The following FAM169A variants were observed in gnomAD, a reference collection of about 807,000 sequenced individuals.
The protein encoded by FAM169A is family with sequence similarity 169 member A, also known as soluble lamin-associated protein of 75 kDa.
In FAM169A, 24 loss-of-function variants were observed where a neutral mutation model predicts 75.7. The observed-to-expected ratio is 0.32, with a 90% CI of 0.23 to 0.45. The LOEUF (loss-of-function observed/expected upper bound fraction) is 0.45, where lower values mean the gene tolerates loss of function less well. Ranked by LOEUF, FAM169A falls within the 20% of genes least tolerant of loss-of-function variation. The pLI is 1.00. For missense variants in FAM169A, 673 were observed against 784.0 expected, an observed-to-expected ratio of 0.86 and a Z score of 1.69; for synonymous variants, 271 against 271.0, an observed-to-expected ratio of 1.00 and a Z score of 0.00.
At chr5:74,853,362 G>A (rs926067432) in intron 1 of FAM169A, among the ~76,000 whole-genome samples, 2 of 152,044 alleles carry the variant, frequency 1.3e-5, no homozygotes. Flanking sequence ...CTCATTCCTC[G>A]AAATGATCCT....
At chr5:74,817,680 A>G (rs1236648792) in intron 5 of FAM169A, among the ~76,000 whole-genome samples, 1 of 152,170 alleles carries the variant, frequency 6.6e-6, no homozygotes, top group African/African-American at 2.4e-5. Context: ...AACACACAGG[A>G]AAATAAGGAG....
At chr5:74,813,333 A>AT (rs879904629) in intron 6 of FAM169A, among the ~76,000 whole-genome samples, 73 of 144,958 alleles carry the variant, frequency 5.0e-4, no homozygotes, top group East Asian at 1.0e-3. Context: ...TTGGTTTGGG[A>AT]TTTTTTTTTT....
chr5:74,835,781 C>T (rs912851440), intron 4 of FAM169A, among the ~76,000 whole-genome samples: 1 of 152,044 alleles, frequency 6.6e-6, no homozygotes, highest in Non-Finnish European at 1.5e-5. Context: ...AAATAGCAGC[C>T]GACTAGCAAT....
intron 5 of FAM169A, among the ~76,000 whole-genome samples, chr5:74,828,558 T>G (rs1418141770): frequency 6.6e-6 from 1 of 152,206 alleles, no homozygotes; most frequent in Non-Finnish European, 1.5e-5. Context: ...ACTGTCCAGC[T>G]GTGCTGCATT....
chr5:74,810,105 T>A (rs1354535702), intron 6 of FAM169A, among the ~76,000 whole-genome samples: 1 of 152,106 alleles, frequency 6.6e-6, no homozygotes, highest in African/African-American at 2.4e-5. Context: ...AATTGTGGTA[T>A]AATCAAAGGG....
intron 9 of FAM169A, 46 bp downstream of exon 9, chr5:74,801,544 T>G (rs771907587): frequency 4.1e-6 from 6 of 1,453,586 alleles, no homozygotes; most frequent in African/African-American, 2.8e-5. Flanking sequence ...CAGCCCTAAT[T>G]TGAAGTGTCT....
intron 11 of FAM169A, among the ~76,000 whole-genome samples, chr5:74,784,229 G>A (rs1338309835): frequency 1.3e-5 from 2 of 151,936 alleles, no homozygotes; most frequent in Non-Finnish European, 2.9e-5. Context: ...TTTTTCTAGA[G>A]TGTCCACAAT....
chr5:74,806,818 A>G (rs922828613), intron 6 of FAM169A, among the ~76,000 whole-genome samples: 3 of 152,212 alleles, frequency 2.0e-5, no homozygotes, highest in African/African-American at 7.2e-5. Context: ...TTCAAAAGAC[A>G]AAGTTATCCC....
At chr5:74,824,231 A>C (rs920856178) in intron 5 of FAM169A, among the ~76,000 whole-genome samples, 2 of 152,208 alleles carry the variant, frequency 1.3e-5, no homozygotes, top group African/African-American at 4.8e-5. Flanking sequence ...AATTGGATCA[A>C]GGCAATTGAC....
intron 6 of FAM169A, among the ~76,000 whole-genome samples, chr5:74,809,096 CACTGATAAAT>C (rs1310389329): frequency 2.6e-5 from 4 of 151,858 alleles, no homozygotes; most frequent in African/African-American, 9.7e-5. Flanking sequence ...TAAAATAGAA[CACTGATAAAT>C]ACTTCCAAAA....
intron 11 of FAM169A, among the ~76,000 whole-genome samples, chr5:74,787,744 T>C (rs371541433): frequency 6.6e-6 from 1 of 152,160 alleles, no homozygotes; most frequent in South Asian, 2.1e-4. Context: ...ATAATCTGAC[T>C]TGTGTACAGC....
intron 1 of FAM169A, among the ~76,000 whole-genome samples, chr5:74,862,693 T>C (rs769669215): frequency 2.0e-5 from 3 of 152,222 alleles, no homozygotes; most frequent in Non-Finnish European, 4.4e-5. Context: ...ACTACTGGAA[T>C]GAATTTTCCA....
chr5:74,787,538 C>A (rs1358913757), intron 11 of FAM169A, among the ~76,000 whole-genome samples: 1 of 152,188 alleles, frequency 6.6e-6, no homozygotes, highest in African/African-American at 2.4e-5. Context: ...GCATGTTAAT[C>A]TTCAAAGAGC....
chr5:74,862,791 T>C (rs1025816759), intron 1 of FAM169A, among the ~76,000 whole-genome samples: 5 of 152,210 alleles, frequency 3.3e-5, no homozygotes, highest in African/African-American at 1.2e-4. Context: ...ATTTGCTAAA[T>C]TTGTTCCCAA....
chr5:74,826,237 T>C (rs1205492389), intron 5 of FAM169A, among the ~76,000 whole-genome samples: 1 of 152,200 alleles, frequency 6.6e-6, no homozygotes, highest in Non-Finnish European at 1.5e-5. Context: ...TTTTTTGCAT[T>C]GTCTTCTCCT....
At chr5:74,842,535 CT>C (rs559380991) in intron 1 of FAM169A, among the ~76,000 whole-genome samples, 4,243 of 84,570 alleles carry the variant, frequency 0.05, 202 homozygotes, top group African/African-American at 0.15. Context: ...TAGCTTTTTT[CT>C]TTTTTTTTTT....
At chr5:74,865,486 G>A (rs931948603) in intron 1 of FAM169A, 2 of 152,148 alleles carry the variant, frequency 1.3e-5, no homozygotes, top group Admixed American at 1.3e-4. Context: ...ACAGTCATGG[G>A]AGTCAGTGTA....
intron 8 of FAM169A, among the ~76,000 whole-genome samples, chr5:74,803,289 G>T (rs1278211467): frequency 6.6e-6 from 1 of 152,010 alleles, no homozygotes; most frequent in East Asian, 1.9e-4. Flanking sequence ...AATACTAAAT[G>T]AATCTGTGTA....
chr5:74,784,598 A>C (rs1355711806), intron 11 of FAM169A, among the ~76,000 whole-genome samples: 1 of 120,370 alleles, frequency 8.3e-6, no homozygotes, highest in African/African-American at 3.3e-5. Context: ...GAGGGTAATC[A>C]ACCCAGGCTA....
Sources: gnomAD v4.1 joint callset for allele counts (sites outside exome capture counted in the v4.1 genomes callset) on GRCh38, gnomAD v4.1.1 for gene constraint, MANE v1.5 for transcripts, NCBI Gene and HGNC (gene_info 2026-07-23, HGNC 2026-07-21) for gene names.